IAH1: variants seen among roughly 807,000 people sequenced by gnomAD.
IAH1 encodes the protein isoamyl acetate-hydrolyzing esterase 1 homolog.
A neutral mutation model predicts 26.7 loss-of-function variants in IAH1; 24 were observed. The observed-to-expected ratio is 0.90, with a 90% CI of 0.65 to 1.26. The LOEUF (loss-of-function observed/expected upper bound fraction) is 1.26. Among genes scored for constraint, IAH1 ranks in the 50% most tolerant of loss-of-function variants. The pLI is 0.00. For missense variants in IAH1, 300 were observed against 299.9 expected (o/e 1.00, Z 0.00); for synonymous variants, 140 against 118.5 (o/e 1.18, Z -1.18).
intron 5 of IAH1, chr2:9,485,241 AGAG>A (rs1401138511): frequency 6.6e-6 from 1 of 152,314 alleles, no homozygotes; most frequent in Non-Finnish European, 1.5e-5. Context: ...TCGGCAATAA[AGAG>A]GAGGAACTGA....
At chr2:9,500,486 G>A (rs1176652774), downstream of IAH1, among the ~76,000 whole-genome samples, 1 of 152,154 alleles carries the variant, frequency 6.6e-6, no homozygotes, top group Non-Finnish European at 1.5e-5. Context: ...TAATTGTGAT[G>A]ACTGCATAAA....
downstream of IAH1, chr2:9,490,442 CCTGGAGT>C: frequency 6.2e-7 from 1 of 1,614,156 alleles, no homozygotes; most frequent in Non-Finnish European, 8.5e-7. Flanking sequence ...CTGCAGGCGG[CCTGGAGT>C]CTGGGGCGCA....
At position 9,484,567 on chromosome 2, in the gene IAH1, G is replaced by C; in HGVS notation, c.564+17G>C. 1 of 1,523,890 alleles carries C rather than the reference G, an allele frequency of 6.6e-7. No homozygotes were observed. The highest frequency in any genetic ancestry group is 9.1e-7 in the Non-Finnish European group (1 of 1,099,954). The allele number at this position is 1,523,890 out of a possible 1,614,324, so 94.4% of individuals were successfully genotyped here. A position where few individuals can be genotyped will look rare whatever the true frequency, so the allele number is the denominator to read the frequency against. On this transcript the variant is annotated intron_variant, in intron 5 of 5. Transcript: ENST00000497473. ...GACAGCCAGGTACGGTGGCTTGCTC[G>C]GTCCTCTCGGGGTAAATAGGATCAC...
chr2:9,499,102 T>C (rs73913117), downstream of IAH1, among the ~76,000 whole-genome samples: 1,440 of 104,524 alleles, frequency 0.014, 23 homozygotes, highest in African/African-American at 0.062. Context: ...TTGCTTTTTT[T>C]CTTTCTTCTT....
intron 2 of IAH1, among the ~76,000 whole-genome samples, chr2:9,477,662 G>A (rs372073502): frequency 1.4e-4 from 20 of 144,122 alleles, no homozygotes; most frequent in Admixed American, 1.2e-3. Context: ...CAGGCAACCC[G>A]GCTTTTTTTT....
chr2:9,476,646 G>A (rs536178317), intron 2 of IAH1, among the ~76,000 whole-genome samples: 16 of 152,298 alleles, frequency 1.1e-4, no homozygotes, highest in African/African-American at 3.9e-4. Context: ...TACAGTTAAA[G>A]GTGGTTATCT....
rs1375339409 is a variant in IAH1, at chr2:9,488,318, G to A, written c.736G>A (p.Gly246Arg). The A allele has an allele frequency of 1.2e-6, 2 of 1,605,070 alleles. No individual in the cohort carries two copies. The highest frequency in any genetic ancestry group is 1.3e-5 in the African/African-American group (1 of 74,564). Residue 246 changes from glycine to arginine, a missense_variant, in exon 6 of 6, where the codon GGA becomes AGA. By Grantham distance (125) the Gly-to-Arg change is moderately radical. Transcript: ENST00000497473. ...AKPELSLLGD[G>R]DH ...ACCTGAATTAAGTCTGCTGGGAGAT[G>A]GAGACCATTAGCCAATCACAGGAGA...
At chr2:9,475,668 T>A (rs1682446277) in intron 1 of IAH1, 1 of 359,552 alleles carries the variant, frequency 2.8e-6, no homozygotes, top group Admixed American at 4.3e-5. Context: ...ACCGGGCTAA[T>A]TTTTGTAATT....
At chr2:9,501,250 T>C (rs190339107), downstream of IAH1, among the ~76,000 whole-genome samples, 8 of 152,108 alleles carry the variant, frequency 5.3e-5, no homozygotes. Flanking sequence ...ACAAGGGCTG[T>C]TAAAAAAAAA....
intron 1 of IAH1, chr2:9,475,162 T>G: frequency 7.8e-7 from 1 of 1,287,898 alleles, no homozygotes; most frequent in Middle Eastern, 2.1e-4. Context: ...AAAAGGACCA[T>G]CCGTTCATCC....
chr2:9,512,375 T>C, the IAH1 span: 1 of 152,184 alleles, frequency 6.6e-6, no homozygotes, highest in Admixed American at 6.5e-5. Flanking sequence ...TAAGAAGTTG[T>C]GACTCCAAAA....
In IAH1 at chr2:9,484,596, G is replaced by C. The variant is rs774168857; in HGVS notation, c.564+46G>C. The stretch of plus-strand genomic sequence containing the variant: ...CTCTCGGGGTAAATAGGATCACACA[G>C]AAGTAAACCAGGTGTGTGTGCAGCA... On this transcript the variant is annotated intron_variant, in intron 5 of 5. Coordinates refer to ENST00000497473, the MANE Select transcript of IAH1 (RefSeq NM_001039613.3). 14 of 1,278,004 alleles carry C rather than the reference G, an allele frequency of 1.1e-5. No homozygotes were observed. In the East Asian group the frequency reaches 2.8e-4, roughly 25 times the overall value. The allele number at this position is 1,278,004 out of a possible 1,614,324, so 79.2% of individuals were successfully genotyped here. A position where few individuals can be genotyped will look rare whatever the true frequency, so the allele number is the denominator to read the frequency against.
Position 9,474,698 on chromosome 2 carries a change from G to A in IAH1, c.81+51G>A. On this transcript the variant is annotated intron_variant, in intron 1 of 5. Coordinates refer to ENST00000497473, the MANE Select transcript of IAH1 (RefSeq NM_001039613.3). The surrounding 1 kb of genome is among the most constrained non-coding windows in gnomAD (Gnocchi z 4.3). Reference sequence around the variant, plus strand: ...CCCGCCCCGGCCTCCCTGCGGGGTCGCTGCCGAGCAGGCCGAGGCTCCTCG... The same window carrying A: ...CCCGCCCCGGCCTCCCTGCGGGGTCACTGCCGAGCAGGCCGAGGCTCCTCG... 2.2e-6 allele frequency: 3 copies of A among 1,389,952 alleles called. No homozygotes were observed. The highest frequency in any genetic ancestry group is 1.3e-5 in the South Asian group (1 of 78,760). The allele number at this position is 1,389,952 out of a possible 1,614,324, so 86.1% of individuals were successfully genotyped here.
the IAH1 span, among the ~76,000 whole-genome samples, chr2:9,508,392 T>C: frequency 6.6e-6 from 1 of 152,338 alleles, no homozygotes; most frequent in South Asian, 2.1e-4. Context: ...GCTCCCACAC[T>C]GCTGTTTTTG....
downstream of IAH1, among the ~76,000 whole-genome samples, chr2:9,498,150 C>T (rs1393284858): frequency 6.6e-6 from 1 of 152,184 alleles, no homozygotes; most frequent in African/African-American, 2.4e-5. Flanking sequence ...CTGCCTCAGC[C>T]TCACAAGTAC....
intron 2 of IAH1, among the ~76,000 whole-genome samples, chr2:9,477,504 C>CTTTTT (rs1224857296): frequency 1.3e-5 from 2 of 152,190 alleles, no homozygotes; most frequent in South Asian, 4.2e-4. Flanking sequence ...AAAAGAGTCC[C>CTTTTT]TCTTATGTGA....
At chr2:9,490,215 G>A (rs764050476), downstream of IAH1, 22 of 1,600,180 alleles carry the variant, frequency 1.4e-5, no homozygotes, top group South Asian at 3.3e-5. Flanking sequence ...CGATTCTGAC[G>A]CTGCAGTTTA....
At chr2:9,475,803 A>G (rs1682456379) in intron 1 of IAH1, 184 bp from the exon 2 acceptor site, 1 of 615,968 alleles carries the variant, frequency 1.6e-6, no homozygotes, top group Non-Finnish European at 2.9e-6. Context: ...GATAGAGAAA[A>G]ATCCCCCTCT....
At chr2:9,478,412 T>C in intron 3 of IAH1, 42 bp downstream of exon 3, 9 of 1,520,594 alleles carry the variant, frequency 5.9e-6, no homozygotes, top group Non-Finnish European at 8.0e-6. Context: ...CTTTTAATCA[T>C]TTTTATGTTA....
Sources: allele counts gnomAD v4.1 joint callset (sites outside exome capture counted in the v4.1 genomes callset), GRCh38; gene constraint gnomAD v4.1.1; non-coding constraint Gnocchi (gnomAD v3.1); transcripts MANE v1.5; gene names NCBI Gene and HGNC (gene_info 2026-07-23, HGNC 2026-07-21).